PTH1R: variants seen among roughly 807,000 people sequenced by gnomAD.
PTH1R encodes parathyroid hormone 1 receptor, also known as parathyroid hormone/parathyroid hormone-related peptide receptor.
Under a neutral mutation model 70.7 loss-of-function variants are expected in PTH1R, and 32 were observed. That is an observed-to-expected ratio of 0.45 (90% CI 0.34 to 0.61). PTH1R has a LOEUF of 0.61. Ranked by LOEUF, PTH1R falls within the 20% of genes least tolerant of loss-of-function variation. PTH1R has a pLI of 0.01. For synonymous variants in PTH1R, 329 were observed against 324.8 expected, an observed-to-expected ratio of 1.01 and a Z score of -0.14; for missense variants, 626 against 792.5, an observed-to-expected ratio of 0.79 and a Z score of 2.52.
At chr3:46,900,953 C>A (rs1194244199) in intron 10 of PTH1R, 72 bp from the exon 11 acceptor site, 1 of 1,504,902 alleles carries the variant, frequency 6.6e-7, no homozygotes, top group South Asian at 1.2e-5. Flanking sequence ...TGGGGGTCAT[C>A]GAGGATGAGG....
chr3:46,889,786 C>G (rs550046642), intron 3 of PTH1R, among the ~76,000 whole-genome samples: 1 of 152,272 alleles, frequency 6.6e-6, no homozygotes, highest in South Asian at 2.1e-4. Flanking sequence ...TAAGTGACCC[C>G]TGGCCACAGC....
chr3:46,896,338 G>A lies in PTH1R; in HGVS notation c.313+469G>A, dbSNP rs1348780390. 2.0e-5 allele frequency among the ~76,000 whole-genome samples: 3 copies of A among 152,120 alleles called. No individual in the cohort carries two copies. Among genetic ancestry groups the A allele is most frequent in the Admixed American group, 2.0e-4 (3 of 15,280 alleles). ...CAGTGTGTCAGAGGAGGTACATGGG[G>A]ACACATAGTGGATAGGGCCACAGAA... On this transcript the variant is annotated intron_variant, in intron 5 of 15. Coordinates refer to ENST00000449590, the MANE Select transcript of PTH1R (RefSeq NM_000316.3). The surrounding 1 kb of genome is among the most constrained non-coding windows in gnomAD (Gnocchi z 4.1).
chr3:46,893,895 T>A lies in PTH1R; in HGVS notation c.76-12T>A. On this transcript the variant is annotated splice_polypyrimidine_tract_variant and intron_variant, in intron 3 of 15. Coordinates refer to ENST00000449590, the MANE Select transcript of PTH1R (RefSeq NM_000316.3). This position sits in a 1 kb window ranked among gnomAD's most constrained non-coding sequence, Gnocchi z 5.2. ...GAAAGTCCTGCCTGTGGTCTGACCTTCGGCTTGGCAGGTGGATGCAGATGA... is the reference window on the plus strand; with the variant it reads ...GAAAGTCCTGCCTGTGGTCTGACCTACGGCTTGGCAGGTGGATGCAGATGA... 1 of 1,613,638 alleles carries A rather than the reference T, an allele frequency of 6.2e-7. No homozygotes were observed. The highest frequency in any genetic ancestry group is 8.5e-7 in the Non-Finnish European group (1 of 1,179,796).
rs1402521762 is a variant in PTH1R, at chr3:46,893,897, G to A, written c.76-10G>A. On this transcript the variant is annotated splice_polypyrimidine_tract_variant and intron_variant, in intron 3 of 15. Coordinates refer to ENST00000449590, the MANE Select transcript of PTH1R (RefSeq NM_000316.3). This position sits in a 1 kb window ranked among gnomAD's most constrained non-coding sequence, Gnocchi z 5.2. The stretch of plus-strand genomic sequence containing the variant: ...AAGTCCTGCCTGTGGTCTGACCTTC[G>A]GCTTGGCAGGTGGATGCAGATGACG... 9 of 1,613,472 alleles carry A rather than the reference G, an allele frequency of 5.6e-6. No homozygotes were observed. The highest frequency in any genetic ancestry group is 2.2e-5 in the East Asian group (1 of 44,892).
In PTH1R at chr3:46,898,365, C is replaced by A. The variant is rs772349722; in HGVS notation, c.544-13C>A. The A allele has an allele frequency of 3.1e-6, 5 of 1,613,192 alleles. No individual in the cohort carries two copies. The highest frequency in any genetic ancestry group is 1.3e-5 in the African/African-American group (1 of 75,028). The stretch of plus-strand genomic sequence containing the variant: ...CCCAGGGCTCTGACTGTGTCTCCCC[C>A]CGCCCCGCACAGGAGGTGTTTGACC... On this transcript the variant is annotated splice_polypyrimidine_tract_variant and intron_variant, in intron 7 of 15. Coordinates refer to ENST00000449590, the MANE Select transcript of PTH1R (RefSeq NM_000316.3).
Position 46,882,808 on chromosome 3 carries a change from C to CA in PTH1R, c.-48-703dup. 6.6e-6 allele frequency among the ~76,000 whole-genome samples: 1 copy of CA among 152,030 alleles called. No homozygotes were observed. Among genetic ancestry groups the CA allele is most frequent in the South Asian group, 2.1e-4 (1 of 4,814 alleles). ...TCGGGGCCGCTGCGCGCCCGAGCCGCACAGGCGCAAGCGGGGCTCTGGCCA... is the reference window on the plus strand; with the variant it reads ...TCGGGGCCGCTGCGCGCCCGAGCCGCAACAGGCGCAAGCGGGGCTCTGGCCA... On this transcript the variant is annotated intron_variant, in intron 2 of 15. Transcript: ENST00000449590. The surrounding 1 kb of genome is among the most constrained non-coding windows in gnomAD (Gnocchi z 4.3).
Position 46,891,064 on chromosome 3 carries a change from CCTTAA to C in PTH1R, c.76-2839_76-2835del, listed in dbSNP as rs1457208496. 6.6e-6 allele frequency among the ~76,000 whole-genome samples: 1 copy of C among 152,224 alleles called. No homozygotes were observed. The highest frequency in any genetic ancestry group is 1.9e-4 in the East Asian group (1 of 5,202). Reference sequence around the variant, plus strand: ...TCCTCCTCTTCTTGGGAAAGTGCTTCCTTAACTTTAACATGAGTTATTCTTGTTGC... The same window carrying C: ...TCCTCCTCTTCTTGGGAAAGTGCTTCCTTTAACATGAGTTATTCTTGTTGC... On this transcript the variant is annotated intron_variant, in intron 3 of 15. Coordinates refer to ENST00000449590, the MANE Select transcript of PTH1R (RefSeq NM_000316.3). This position sits in a 1 kb window ranked among gnomAD's most constrained non-coding sequence, Gnocchi z 4.3.
Position 46,902,581 on chromosome 3 carries a change from G to A in PTH1R, c.1267G>A (p.Val423Ile). The change falls in exon 14 of 16, where the codon GTC becomes ATC. Residue 423 changes from valine (V) to isoleucine (I), a missense_variant. Coordinates refer to ENST00000449590, the MANE Select transcript of PTH1R (RefSeq NM_000316.3). This position sits in a 1 kb window ranked among gnomAD's most constrained non-coding sequence, Gnocchi z 5.4. ...GCCCCTCTTTGGCGTCCACTACATT[G>A]TCTTCATGGCCACACCATACACCGA... ...LMPLFGVHYI[V>I]FMATPYTEVS... 1 of 1,613,714 alleles carries A rather than the reference G, an allele frequency of 6.2e-7. No individual in the cohort carries two copies. Among genetic ancestry groups the A allele is most frequent in the East Asian group, 2.2e-5 (1 of 44,876 alleles).
chr3:46,883,490 C>G lies in PTH1R; in HGVS notation c.-48-22C>G. ...GCGGGGCGGCCAGCCTGACGCAGCTCTGCACCCCCTACCACCACCAGGGCC... is the reference window on the plus strand; with the variant it reads ...GCGGGGCGGCCAGCCTGACGCAGCTGTGCACCCCCTACCACCACCAGGGCC... On this transcript the variant is annotated intron_variant, in intron 2 of 15. Transcript: ENST00000449590. The surrounding 1 kb of genome is among the most constrained non-coding windows in gnomAD (Gnocchi z 6.4). 1 of 1,369,436 alleles carries G rather than the reference C, an allele frequency of 7.3e-7. No homozygotes were observed. The highest frequency in any genetic ancestry group is 1.6e-5 in the South Asian group (1 of 62,178). 84.8% of individuals were successfully genotyped at this position (1,369,436 alleles called of 1,614,324 possible).
intron 2 of PTH1R, among the ~76,000 whole-genome samples, chr3:46,881,371 C>T (rs2030548747): frequency 6.6e-6 from 1 of 152,226 alleles, no homozygotes; most frequent in African/African-American, 2.4e-5. Flanking sequence ...CCGCGGACTC[C>T]TCCTTGCCTT....
At chr3:46,898,619 C>A in intron 8 of PTH1R, 43 bp from the exon 9 acceptor site, 2 of 1,608,012 alleles carry the variant, frequency 1.2e-6, no homozygotes, top group Non-Finnish European at 8.5e-7. Context: ...ACCCACCGCG[C>A]GTCCCCGTGC....
rs201482011 is a variant in PTH1R, at chr3:46,898,366, C to G, written c.544-12C>G. Reference sequence around the variant, plus strand: ...CCAGGGCTCTGACTGTGTCTCCCCCCGCCCCGCACAGGAGGTGTTTGACCG... The same window carrying G: ...CCAGGGCTCTGACTGTGTCTCCCCCGGCCCCGCACAGGAGGTGTTTGACCG... On this transcript the variant is annotated splice_polypyrimidine_tract_variant and intron_variant, in intron 7 of 15. Coordinates refer to ENST00000449590, the MANE Select transcript of PTH1R (RefSeq NM_000316.3). 5 of 1,613,034 alleles carry G rather than the reference C, an allele frequency of 3.1e-6. No homozygotes were observed. Among genetic ancestry groups the G allele is most frequent in the Non-Finnish European group, 4.2e-6 (5 of 1,179,090 alleles).
Position 46,901,688 on chromosome 3 carries a change from G to A in PTH1R, c.1117-78G>A. ...CCCAGAGATGCAGTGACAGAGCAGAGCCTATGGCCGTGGCTGCCAGGCCTT... is the reference window on the plus strand; with the variant it reads ...CCCAGAGATGCAGTGACAGAGCAGAACCTATGGCCGTGGCTGCCAGGCCTT... On this transcript the variant is annotated intron_variant, in intron 12 of 15. Coordinates refer to ENST00000449590, the MANE Select transcript of PTH1R (RefSeq NM_000316.3). This position sits in a 1 kb window ranked among gnomAD's most constrained non-coding sequence, Gnocchi z 7.3. 6.7e-7 allele frequency: 1 copy of A among 1,487,028 alleles called. No individual in the cohort carries two copies. Among genetic ancestry groups the A allele is most frequent in the South Asian group, 1.1e-5 (1 of 88,282 alleles). The allele number at this position is 1,487,028 out of a possible 1,614,324, so 92.1% of individuals were successfully genotyped here. A position where few individuals can be genotyped will look rare whatever the true frequency, so the allele number is the denominator to read the frequency against.
At position 46,892,855 on chromosome 3, in the gene PTH1R, C is replaced by A. The variant is rs2031513461; in HGVS notation, c.76-1052C>A. The A allele has an allele frequency of 1.3e-5, 12 of 934,810 alleles. No homozygotes were observed. In the South Asian group the frequency reaches 5.4e-4, roughly 42 times the overall value. The allele number at this position is 934,810 out of a possible 1,614,324, so 57.9% of individuals were successfully genotyped here. ...GGTCGTCTCAGGGGACATACCCCTG[C>A]CCAGGGGTCTGAGGAAACACGACCC... On this transcript the variant is annotated intron_variant, in intron 3 of 15. Coordinates refer to ENST00000449590, the MANE Select transcript of PTH1R (RefSeq NM_000316.3). This position sits in a 1 kb window ranked among gnomAD's most constrained non-coding sequence, Gnocchi z 5.2.
intron 10 of PTH1R, among the ~76,000 whole-genome samples, chr3:46,899,771 G>A (rs2032003679): frequency 6.6e-6 from 1 of 152,214 alleles, no homozygotes; most frequent in South Asian, 2.1e-4. Flanking sequence ...AGGTCAGCCT[G>A]GGGCTGGAAT....
In PTH1R at chr3:46,898,433, C is replaced by T. The variant is rs2031891807; in HGVS notation, c.599C>T (p.Ala200Val). 2 of 1,614,038 alleles carry T rather than the reference C, an allele frequency of 1.2e-6. No individual in the cohort carries two copies. The highest frequency in any genetic ancestry group is 1.7e-6 in the Non-Finnish European group (2 of 1,180,008). ...ACCGTGGGCTACTCCGTGTCCCTGG[C>T]GTCCCTCACCGTAGCTGTGCTCATC... ...IYTVGYSVSL[A>V]SLTVAVLILA... The change falls in exon 8 of 16, where the codon GCG becomes GTG. Residue 200 changes from alanine to valine, a missense_variant. Physicochemically the swap from Ala to Val is moderately conservative, Grantham distance 64. Transcript: ENST00000449590.
At position 46,891,414 on chromosome 3, in the gene PTH1R, CA is replaced by C. The variant is rs1177505135; in HGVS notation, c.76-2492del. 2.6e-5 allele frequency among the ~76,000 whole-genome samples: 4 copies of C among 152,248 alleles called. No homozygotes were observed. Among genetic ancestry groups the C allele is most frequent in the Non-Finnish European group, 5.9e-5 (4 of 68,048 alleles). ...ACTGCCTGCCTGCAGTCTAGGCCAT[CA>C]GGGGTGACCCCCAGTCATATCAGTA... On this transcript the variant is annotated intron_variant, in intron 3 of 15. Coordinates refer to ENST00000449590, the MANE Select transcript of PTH1R (RefSeq NM_000316.3). This position sits in a 1 kb window ranked among gnomAD's most constrained non-coding sequence, Gnocchi z 4.3.
In PTH1R at chr3:46,891,193, G is replaced by A. The variant is rs1170212855; in HGVS notation, c.76-2714G>A. Among the ~76,000 whole-genome samples, 3 of 152,276 alleles carry A rather than the reference G, an allele frequency of 2.0e-5. No homozygotes were observed. The East Asian group carries it at 5.8e-4, about 29-fold the overall frequency. ...GAATGAAGGAGTGTGGGAGTCATGC[G>A]TGCTGGAAGCACATATCTTTCCCTC... On this transcript the variant is annotated intron_variant, in intron 3 of 15. Coordinates refer to ENST00000449590, the MANE Select transcript of PTH1R (RefSeq NM_000316.3). The surrounding 1 kb of genome is among the most constrained non-coding windows in gnomAD (Gnocchi z 4.3).
At position 46,899,391 on chromosome 3, in the gene PTH1R, G is replaced by A. The variant is rs2031977948; in HGVS notation, c.923G>A (p.Ser308Asn). The A allele has an allele frequency of 3.7e-6, 6 of 1,613,828 alleles. No homozygotes were observed. The highest frequency in any genetic ancestry group is 5.1e-6 in the Non-Finnish European group (6 of 1,180,042). The part of the protein sequence containing the change: ...WILVEGLYLH[S>N]LIFMAFFSEK... ...CTGGTGGAGGGGCTGTACCTGCACAGCCTCATCTTCATGGCCTTCTTCTCA... is the reference window on the plus strand; with the variant it reads ...CTGGTGGAGGGGCTGTACCTGCACAACCTCATCTTCATGGCCTTCTTCTCA... The change falls in exon 10 of 16, where the codon AGC becomes AAC. Residue 308 changes from serine (S) to asparagine (N), a missense_variant. Around this residue, in one of 3 missense-constraint regions of PTH1R, gnomAD observed 495 missense variants for 638.7 expected, o/e 0.77. Coordinates refer to ENST00000449590, the MANE Select transcript of PTH1R (RefSeq NM_000316.3).
Sources: gnomAD v4.1 joint callset for allele counts (sites outside exome capture counted in the v4.1 genomes callset) on GRCh38, gnomAD v4.1.1 for gene constraint, gnomAD v4.1.1 regional missense constraint, Gnocchi (gnomAD v3.1) non-coding constraint, MANE v1.5 for transcripts, NCBI Gene and HGNC (gene_info 2026-07-23, HGNC 2026-07-21) for gene names.